The following TEX55 variants were observed in gnomAD, a reference collection of about 807,000 sequenced individuals.
TEX55 encodes the protein testis expressed 55.
Under a neutral mutation model 44.6 loss-of-function variants are expected in TEX55, and 31 were observed. The ratio of observed to expected loss-of-function variants is 0.69; its 90% CI spans 0.52 to 0.94. The LOEUF (loss-of-function observed/expected upper bound fraction) is 0.94, where lower values mean the gene tolerates loss of function less well. Ranked by LOEUF, TEX55 falls within the 40% of genes least tolerant of loss-of-function variation. The pLI is 0.00. For synonymous variants in TEX55, 230 were observed against 230.9 expected, an observed-to-expected ratio of 1.00 and a Z score of 0.04; for missense variants, 639 against 638.4, an observed-to-expected ratio of 1.00 and a Z score of -0.01.
chr3:119,147,221 C>G lies in TEX55; in HGVS notation c.1032C>G (p.Asp344Glu). The change falls in exon 1 of 3, where the codon GAC becomes GAG. Residue 344 changes from aspartate to glutamate, a missense_variant. Physicochemically the swap from Asp to Glu is conservative, Grantham distance 45 (BLOSUM62 2). Transcript: ENST00000295622. Reference protein sequence around the residue: ...PVDNAHYTESDQTDHLADRQA... With the variant: ...PVDNAHYTESEQTDHLADRQA... ...ACAATGCTCACTACACTGAATCTGA[C>G]CAGACTGACCACTTAGCAGACAGAC... The G allele has an allele frequency of 6.2e-7, 1 of 1,614,168 alleles. No individual in the cohort carries two copies. Among genetic ancestry groups the G allele is most frequent in the South Asian group, 1.1e-5 (1 of 91,086 alleles).
chr3:119,150,360 A>G (rs2077770169), intron 2 of TEX55, among the ~76,000 whole-genome samples: 1 of 152,052 alleles, frequency 6.6e-6, no homozygotes, highest in South Asian at 2.1e-4. Flanking sequence ...TGCGTGCAAC[A>G]TTGTTATAGG....
chr3:119,147,639 GGGCCT>G, intron 1 of TEX55, 52 bp downstream of exon 1: 1 of 1,476,262 alleles, frequency 6.8e-7, no homozygotes, highest in Non-Finnish European at 9.2e-7. Context: ...GATCTAGACG[GGGCCT>G]GGAGAGTAAA....
In TEX55 at chr3:119,146,800, G is replaced by A. The variant is rs769025284; in HGVS notation, c.611G>A (p.Arg204Gln). Residue 204 changes from arginine (R) to glutamine (Q), a missense_variant, in exon 1 of 3, where the codon CGA becomes CAA. Physicochemically the swap from Arg to Gln is conservative, Grantham distance 43. Transcript: ENST00000295622. ...CGCAGAATGTCTGGCGAGGCTGAGC[G>A]AAGAACTTCTGAGCAGATTACACAC... ...MDRRMSGEAE[R>Q]RTSEQITHRL... 5.4e-5 allele frequency: 87 copies of A among 1,614,080 alleles called. No individual in the cohort carries two copies. Among genetic ancestry groups the A allele is most frequent in the Middle Eastern group, 3.3e-4 (2 of 6,084 alleles).
At position 119,151,246 on chromosome 3, in the gene TEX55, A is replaced by G. The variant is rs2107559264; in HGVS notation, c.1565A>G (p.Tyr522Cys). The G allele has an allele frequency of 6.2e-7, 1 of 1,612,964 alleles. No individual in the cohort carries two copies. Among genetic ancestry groups the G allele is most frequent in the Non-Finnish European group, 8.5e-7 (1 of 1,178,990 alleles). The change falls in exon 3 of 3, where the codon TAT (tyrosine) becomes TGT (cysteine). Residue 522 changes from tyrosine to cysteine, a missense_variant. Transcript: ENST00000295622. The part of the protein sequence containing the change: ...IFQQITENLV[Y>C]EKPEDPLNFM... Reference sequence around the variant, plus strand: ...CAGCAGATTACTGAAAACTTAGTCTATGAAAAGCCAGAGGACCCCCTGAAT... The same window carrying G: ...CAGCAGATTACTGAAAACTTAGTCTGTGAAAAGCCAGAGGACCCCCTGAAT...
In TEX55 at chr3:119,151,280, G is replaced by C; in HGVS notation, c.1599G>C (p.Leu533=). ...CAGAGGACCCCCTGAATTTTATGCTGTGCCAGGTATAGAATTGGAGAAAAA... is the reference window on the plus strand; with the variant it reads ...CAGAGGACCCCCTGAATTTTATGCTCTGCCAGGTATAGAATTGGAGAAAAA... ...EKPEDPLNFM[L]CQV The change falls in exon 3 of 3, where the codon CTG becomes CTC. Residue 533 remains leucine (L), a synonymous_variant. Transcript: ENST00000295622. 6.2e-7 allele frequency: 1 copy of C among 1,613,060 alleles called. No individual in the cohort carries two copies. Among genetic ancestry groups the C allele is most frequent in the Admixed American group, 1.7e-5 (1 of 59,994 alleles).
intron 2 of TEX55, 46 bp from the exon 3 acceptor site, chr3:119,151,178 A>C (rs78672133): frequency 8.1e-7 from 1 of 1,232,510 alleles, no homozygotes; most frequent in Non-Finnish European, 1.2e-6. Flanking sequence ...TGACCACATA[A>C]TTTTGCTCAG....
chr3:119,147,051 G>C lies in TEX55; in HGVS notation c.862G>C (p.Glu288Gln). 6.2e-7 allele frequency: 1 copy of C among 1,614,190 alleles called. No homozygotes were observed. Among genetic ancestry groups the C allele is most frequent in the Non-Finnish European group, 8.5e-7 (1 of 1,180,022 alleles). Reference protein sequence around the residue: ...LAGLADPGTSEQTDLRLYGLV... With the variant: ...LAGLADPGTSQQTDLRLYGLV... ...TGGCCTGGCTGACCCAGGAACTTCT[G>C]AGCAGACTGACCTCAGATTGTATGG... is the stretch of plus-strand genomic sequence containing the variant. Residue 288 changes from glutamate (E) to glutamine (Q), a missense_variant, in exon 1 of 3, where the codon GAG becomes CAG. Physicochemically the swap from Glu to Gln is conservative, Grantham distance 29. Coordinates refer to ENST00000295622, the MANE Select transcript of TEX55 (RefSeq NM_152539.3).
At chr3:119,149,038 A>G (rs1169037792) in intron 2 of TEX55, among the ~76,000 whole-genome samples, 1 of 152,202 alleles carries the variant, frequency 6.6e-6, no homozygotes, top group African/African-American at 2.4e-5. Flanking sequence ...ACAATACTGT[A>G]GACTTTAGAA....
rs1195327416 is a variant in TEX55, at chr3:119,147,114, C to A, written c.925C>A (p.Gln309Lys). ...DHKTSVKTHH[Q>K]VYGQATELAE... ...CAAAACATCTGTAAAGACTCACCAC[C>A]AAGTGTACGGCCAAGCCACTGAACT... The change falls in exon 1 of 3, where the codon CAA becomes AAA. Residue 309 changes from glutamine to lysine, a missense_variant. By Grantham distance (53) the Gln-to-Lys change is moderately conservative (BLOSUM62 1). Transcript: ENST00000295622. The A allele has an allele frequency of 6.2e-7, 1 of 1,614,136 alleles. No individual in the cohort carries two copies. The highest frequency in any genetic ancestry group is 1.3e-5 in the African/African-American group (1 of 75,046).
chr3:119,147,016 A>G lies in TEX55; in HGVS notation c.827A>G (p.Tyr276Cys), dbSNP rs2077734091. ...AGAAGAAGTTCTGAGAAGACTGACT[A>G]CAGATTGGCTGGCCTGGCTGACCCA... ...VRRRSSEKTDYRLAGLADPGT... is the reference protein window; with the variant it reads ...VRRRSSEKTDCRLAGLADPGT... The change falls in exon 1 of 3, where the codon TAC becomes TGC. Residue 276 changes from tyrosine (Y) to cysteine (C), a missense_variant. By Grantham distance (194) the Tyr-to-Cys change is radical. Coordinates refer to ENST00000295622, the MANE Select transcript of TEX55 (RefSeq NM_152539.3). 1 of 1,614,196 alleles carries G rather than the reference A, an allele frequency of 6.2e-7. No individual in the cohort carries two copies. Among genetic ancestry groups the G allele is most frequent in the Non-Finnish European group, 8.5e-7 (1 of 1,180,028 alleles).
chr3:119,151,360 T>C lies in TEX55; in HGVS notation c.*68T>C, dbSNP rs1426145419. On this transcript the variant is annotated 3_prime_UTR_variant, in exon 3 of 3. Coordinates refer to ENST00000295622, the MANE Select transcript of TEX55 (RefSeq NM_152539.3). ...AATACAGCACACATACAGCAAAGTG[T>C]ATAGAACAAAGTACGTACAACTCTG... 3.0e-6 allele frequency: 4 copies of C among 1,346,824 alleles called. No individual in the cohort carries two copies. Among genetic ancestry groups the C allele is most frequent in the African/African-American group, 1.5e-5 (1 of 68,520 alleles). 83.4% of individuals were successfully genotyped at this position (1,346,824 alleles called of 1,614,324 possible).
chr3:119,149,808 C>T (rs578174694), intron 2 of TEX55, among the ~76,000 whole-genome samples: 2 of 152,266 alleles, frequency 1.3e-5, no homozygotes, highest in South Asian at 2.1e-4. Context: ...TGACCAATCT[C>T]GTGACCATCT....
In TEX55 at chr3:119,151,295, T is replaced by C. The variant is rs1296622718; in HGVS notation, c.*3T>C. ...ATTTTATGCTGTGCCAGGTATAGAA[T>C]TGGAGAAAAAGAACAACCTTTTTAT... On this transcript the variant is annotated 3_prime_UTR_variant, in exon 3 of 3. Coordinates refer to ENST00000295622, the MANE Select transcript of TEX55 (RefSeq NM_152539.3). 6.2e-7 allele frequency: 1 copy of C among 1,612,420 alleles called. No homozygotes were observed. Among genetic ancestry groups the C allele is most frequent in the Admixed American group, 1.7e-5 (1 of 59,914 alleles).
In TEX55 at chr3:119,147,565, C is replaced by G; in HGVS notation, c.1376C>G (p.Thr459Ser). ...KLNYTSSQEK[T>S]QAIVTKSDEF... ...AACTATACCAGCAGTCAAGAAAAAA[C>G]TCAAGCCATAGTAACCAAATCTGTA... Residue 459 changes from threonine (T) to serine (S), a missense_variant, in exon 1 of 3, where the codon ACT (threonine) becomes AGT (serine). Coordinates refer to ENST00000295622, the MANE Select transcript of TEX55 (RefSeq NM_152539.3). 1 of 1,613,288 alleles carries G rather than the reference C, an allele frequency of 6.2e-7. No individual in the cohort carries two copies.
At chr3:119,147,622 G>A (rs768792913) in intron 1 of TEX55, 35 bp downstream of exon 1, 52 of 1,555,642 alleles carry the variant, frequency 3.3e-5, no homozygotes, top group Middle Eastern at 3.4e-4. Flanking sequence ...CTACCTGGGA[G>A]ATCAGAGATC....
At position 119,151,283 on chromosome 3, in the gene TEX55, C is replaced by T. The variant is rs570667131; in HGVS notation, c.1602C>T (p.Cys534=). 2.9e-5 allele frequency: 46 copies of T among 1,612,506 alleles called. No homozygotes were observed. Among genetic ancestry groups the T allele is most frequent in the Non-Finnish European group, 3.9e-5 (46 of 1,178,904 alleles). ...KPEDPLNFML[C]QV ...AGGACCCCCTGAATTTTATGCTGTG[C>T]CAGGTATAGAATTGGAGAAAAAGAA... Residue 534 remains cysteine (C), a synonymous_variant, in exon 3 of 3, where the codon TGC becomes TGT. Transcript: ENST00000295622.
rs2077757893 is a variant in TEX55, at chr3:119,149,097, A to G, written c.1542+774A>G. Among the ~76,000 whole-genome samples the G allele has an allele frequency of 3.3e-5, 5 of 152,144 alleles. No individual in the cohort carries two copies. In the South Asian group the frequency reaches 1.0e-3, roughly 32 times the overall value. On this transcript the variant is annotated intron_variant, in intron 2 of 2. Transcript: ENST00000295622. ...AAATTTTTTAACATATTTTTCTTCA[A>G]AACCAAATTAACCTTAGCTTACTGT...
At position 119,150,912 on chromosome 3, in the gene TEX55, C is replaced by T. The variant is rs924559029; in HGVS notation, c.1543-312C>T. 4.6e-5 allele frequency among the ~76,000 whole-genome samples: 7 copies of T among 152,220 alleles called. No homozygotes were observed. In the East Asian group the frequency reaches 1.4e-3, roughly 29 times the overall value. On this transcript the variant is annotated intron_variant, in intron 2 of 2. Transcript: ENST00000295622. ...TTAGTAATAATAAAGTAAGCTGTTA[C>T]TTTGTAGAAATACACGAATTTCTTC...
intron 2 of TEX55, among the ~76,000 whole-genome samples, chr3:119,150,784 C>T (rs2077774817): frequency 6.6e-6 from 1 of 152,178 alleles, no homozygotes; most frequent in Non-Finnish European, 1.5e-5. Context: ...ATCTTCCAAA[C>T]TTTCTCCCTA....
Sources: gnomAD v4.1 joint callset for allele counts (sites outside exome capture counted in the v4.1 genomes callset) on GRCh38, gnomAD v4.1.1 for gene constraint, MANE v1.5 for transcripts, NCBI Gene and HGNC (gene_info 2026-07-23, HGNC 2026-07-21) for gene names.